The following PLXNA4 variants were observed in gnomAD, a reference collection of about 807,000 sequenced individuals.
PLXNA4 encodes plexin-A4.
PLXNA4 carries 44 observed loss-of-function variants against 191.8 expected under a neutral mutation model. The observed-to-expected ratio is 0.23, with a 90% CI of 0.18 to 0.29. The LOEUF (loss-of-function observed/expected upper bound fraction) is 0.29, where lower values mean the gene tolerates loss of function less well. Among genes scored for constraint, PLXNA4 ranks in the 10% least tolerant of loss-of-function variants. The probability of loss-of-function intolerance (pLI) is 1.00; values close to 1 mark genes in which losing one functional copy is unlikely to be tolerated. For synonymous variants in PLXNA4, 1,082 were observed against 1,009.5 expected, an observed-to-expected ratio of 1.07 and a Z score of -1.36; for missense variants, 1,800 against 2,488.8, an observed-to-expected ratio of 0.72 and a Z score of 5.89.
chr7:132,280,666 T>G (rs1800447311), intron 4 of PLXNA4, among the ~76,000 whole-genome samples: 1 of 152,206 alleles, frequency 6.6e-6, no homozygotes, highest in Non-Finnish European at 1.5e-5. Context: ...GAATAGAAAG[T>G]GACCACACCC....
chr7:132,495,848 G>C (rs938757379), intron 2 of PLXNA4, among the ~76,000 whole-genome samples: 1 of 152,152 alleles, frequency 6.6e-6, no homozygotes, highest in Non-Finnish European at 1.5e-5. Flanking sequence ...AACTCCCTGC[G>C]TTCAGCAAGG....
At chr7:132,636,486 G>C (rs1803610187) in intron 2 of PLXNA4, among the ~76,000 whole-genome samples, 1 of 152,160 alleles carries the variant, frequency 6.6e-6, no homozygotes, top group African/African-American at 2.4e-5. Flanking sequence ...GCCCCCCCAG[G>C]AGTGATTGGT....
At chr7:132,535,158 C>T (rs573231104) in intron 1 of PLXNA4, among the ~76,000 whole-genome samples, 6 of 152,248 alleles carry the variant, frequency 3.9e-5, no homozygotes, top group East Asian at 1.9e-4. Flanking sequence ...GAAATCAACC[C>T]GTCTCCAAAT....
At chr7:132,255,214 T>A (rs1163985566) in intron 4 of PLXNA4, among the ~76,000 whole-genome samples, 1 of 151,888 alleles carries the variant, frequency 6.6e-6, no homozygotes, top group African/African-American at 2.4e-5. Flanking sequence ...TAGTCAGGAG[T>A]CTGTGGGTCA....
intron 3 of PLXNA4, chr7:132,385,419 A>G (rs1805085368): frequency 7.6e-7 from 1 of 1,319,318 alleles, no homozygotes; most frequent in Non-Finnish European, 1.0e-6. Flanking sequence ...AATACAGTAA[A>G]TATGTATTAC....
chr7:132,150,352 G>T, intron 25 of PLXNA4, among the ~76,000 whole-genome samples: 1 of 152,232 alleles, frequency 6.6e-6, no homozygotes, highest in Non-Finnish European at 1.5e-5. Flanking sequence ...AAAGGAAGAG[G>T]AATCTCTCCA....
At chr7:132,591,104 G>A (rs1356830497) in intron 2 of PLXNA4, among the ~76,000 whole-genome samples, 1 of 152,176 alleles carries the variant, frequency 6.6e-6, no homozygotes, top group Non-Finnish European at 1.5e-5. Flanking sequence ...TGGAAAGGAG[G>A]CATGGGATCA....
intron 5 of PLXNA4, among the ~76,000 whole-genome samples, chr7:132,240,210 C>T (rs1798830231): frequency 6.6e-6 from 1 of 152,190 alleles, no homozygotes; most frequent in Non-Finnish European, 1.5e-5. Flanking sequence ...ACAACAATAG[C>T]TGGACTGGAA....
intron 8 of PLXNA4, 77 bp downstream of exon 8, chr7:132,226,084 A>C: frequency 3.7e-6 from 5 of 1,340,554 alleles, no homozygotes; most frequent in East Asian, 2.4e-5. Flanking sequence ...CTCCCTGGGA[A>C]TAGTGATGGG....
intron 3 of PLXNA4, among the ~76,000 whole-genome samples, chr7:132,453,486 G>C (rs1299327283): frequency 6.6e-6 from 1 of 151,952 alleles, no homozygotes; most frequent in Non-Finnish European, 1.5e-5. Context: ...TCAGGTCTGA[G>C]AACAGTCCCC....
chr7:132,434,085 C>A (rs1214234882), intron 3 of PLXNA4, among the ~76,000 whole-genome samples: 1 of 152,240 alleles, frequency 6.6e-6, no homozygotes, highest in Non-Finnish European at 1.5e-5. Context: ...ACTGCGCAGC[C>A]TTGCCTGACT....
At chr7:132,183,798 T>C (rs1732098562) in intron 16 of PLXNA4, among the ~76,000 whole-genome samples, 1 of 152,118 alleles carries the variant, frequency 6.6e-6, no homozygotes, top group South Asian at 2.1e-4. Flanking sequence ...GACGGCCAAA[T>C]CTCATCTCTG....
chr7:132,372,697 G>A (rs940797960), intron 3 of PLXNA4, among the ~76,000 whole-genome samples: 2 of 152,144 alleles, frequency 1.3e-5, no homozygotes, highest in Non-Finnish European at 2.9e-5. Flanking sequence ...TAGAACAAAG[G>A]TTCAATTCTC....
intron 4 of PLXNA4, among the ~76,000 whole-genome samples, chr7:132,269,708 C>T (rs781085599): frequency 2.6e-5 from 4 of 151,936 alleles, no homozygotes; most frequent in Admixed American, 1.3e-4. Flanking sequence ...AAACATATCC[C>T]TCTGCAGGTT....
intron 3 of PLXNA4, among the ~76,000 whole-genome samples, chr7:132,381,814 A>C (rs924518167): frequency 6.6e-6 from 1 of 152,218 alleles, no homozygotes; most frequent in Non-Finnish European, 1.5e-5. Flanking sequence ...AGCAGGGTCC[A>C]GACAAAGCCA....
intron 2 of PLXNA4, among the ~76,000 whole-genome samples, chr7:132,616,831 C>A (rs901408211): frequency 6.6e-6 from 1 of 152,144 alleles, no homozygotes; most frequent in Admixed American, 6.5e-5. Context: ...GTAGACTGTG[C>A]GGTTCTCTGA....
chr7:132,488,814 G>A (rs1287357102), intron 3 of PLXNA4, among the ~76,000 whole-genome samples: 1 of 152,090 alleles, frequency 6.6e-6, no homozygotes, highest in Non-Finnish European at 1.5e-5. Flanking sequence ...CCACAACTTG[G>A]CTCTGGGCCC....
intron 1 of PLXNA4, among the ~76,000 whole-genome samples, chr7:132,540,606 A>G: frequency 1.4e-5 from 1 of 70,964 alleles, no homozygotes; most frequent in African/African-American, 5.3e-5. Flanking sequence ...TTTGAGACGG[A>G]GTCTTGCTCT....
intron 3 of PLXNA4, among the ~76,000 whole-genome samples, chr7:132,433,377 G>T (rs2117206391): frequency 6.6e-6 from 1 of 152,300 alleles, no homozygotes; most frequent in South Asian, 2.1e-4. Flanking sequence ...AAAGGCTTCA[G>T]TGCCACCCTT....
Sources: gnomAD v4.1 joint callset for allele counts (sites outside exome capture counted in the v4.1 genomes callset) on GRCh38, gnomAD v4.1.1 for gene constraint, MANE v1.5 for transcripts, NCBI Gene and HGNC (gene_info 2026-07-23, HGNC 2026-07-21) for gene names.